LDB2: variants seen among roughly 807,000 people sequenced by gnomAD.
LDB2 encodes the protein LIM domain-binding protein 2.
Under a neutral mutation model 44.3 loss-of-function variants are expected in LDB2, and 12 were observed. That is an observed-to-expected ratio of 0.27 (90% confidence interval 0.17 to 0.44). The LOEUF is 0.44. LDB2 is among the 20% of genes least tolerant of loss of function. The pLI, the probability that LDB2 is intolerant of heterozygous loss-of-function variation, is 1.00. For missense variants in LDB2, 344 were observed against 473.5 expected, an observed-to-expected ratio of 0.73 and a Z score of 2.54; for synonymous variants, 164 against 174.8, an observed-to-expected ratio of 0.94 and a Z score of 0.49.
chr4:16,632,549 C>A (rs1732286670), intron 2 of LDB2, among the ~76,000 whole-genome samples: 1 of 152,166 alleles, frequency 6.6e-6, no homozygotes, highest in Non-Finnish European at 1.5e-5. Flanking sequence ...TCTCACCACT[C>A]CTATTCAGCA....
chr4:16,754,618 G>A lies in LDB2; in HGVS notation c.235+4540C>T, dbSNP rs556515204. On this transcript the variant is annotated intron_variant, in intron 2 of 7. Coordinates refer to ENST00000304523, the MANE Select transcript of LDB2 (RefSeq NM_001290.5). ...TCTTGGTTCACTGCAACCTCCATCC[G>A]CCTCCTGGGTTCAAGTAATTCTCCT... Among the ~76,000 whole-genome samples the A allele has an allele frequency of 6.6e-5, 10 of 150,828 alleles. No individual in the cohort carries two copies. The East Asian group carries it at 7.8e-4, about 12-fold the overall frequency.
At chr4:16,664,012 A>G (rs760969220) in intron 2 of LDB2, among the ~76,000 whole-genome samples, 2 of 148,878 alleles carry the variant, frequency 1.3e-5, no homozygotes, top group African/African-American at 2.5e-5. Flanking sequence ...GGGCAAAGCA[A>G]TGTTAAGTTT....
chr4:16,558,421 T>C (rs1280687740), intron 5 of LDB2, among the ~76,000 whole-genome samples: 1 of 152,102 alleles, frequency 6.6e-6, no homozygotes, highest in Non-Finnish European at 1.5e-5. Flanking sequence ...ATGCAAAAGC[T>C]TCAGGAGCCG....
chr4:16,862,294 G>A (rs898153244), intron 1 of LDB2, among the ~76,000 whole-genome samples: 2 of 150,770 alleles, frequency 1.3e-5, no homozygotes, highest in African/African-American at 2.4e-5. Flanking sequence ...AGAAGCCCAA[G>A]TTTGATACCA....
intron 5 of LDB2, among the ~76,000 whole-genome samples, chr4:16,536,597 A>G (rs1731951101): frequency 6.6e-6 from 1 of 152,222 alleles, no homozygotes; most frequent in South Asian, 2.1e-4. Context: ...AAATTGTACT[A>G]TGGAATGAGC....
intron 1 of LDB2, among the ~76,000 whole-genome samples, chr4:16,821,671 G>C (rs1782050322): frequency 7.0e-6 from 1 of 142,032 alleles, no homozygotes; most frequent in Non-Finnish European, 1.5e-5. Context: ...TTACAGGCGT[G>C]AGCCACCGCG....
At chr4:16,542,251 A>G (rs960731745) in intron 5 of LDB2, among the ~76,000 whole-genome samples, 3 of 152,216 alleles carry the variant, frequency 2.0e-5, no homozygotes, top group African/African-American at 7.2e-5. Context: ...TGAAGGCCCC[A>G]GCCCGCAAAG....
intron 1 of LDB2, among the ~76,000 whole-genome samples, chr4:16,830,973 C>T (rs1188013625): frequency 2.0e-5 from 3 of 152,064 alleles, no homozygotes; most frequent in Admixed American, 6.6e-5. Flanking sequence ...AAAGGATGTG[C>T]GGATCTCATG....
At chr4:16,746,672 G>A (rs2109064598) in intron 2 of LDB2, among the ~76,000 whole-genome samples, 1 of 152,098 alleles carries the variant, frequency 6.6e-6, no homozygotes, top group East Asian at 1.9e-4. Context: ...CTGTAGTCCT[G>A]GCTACTCAGG....
At chr4:16,871,278 C>G (rs1716510764) in intron 1 of LDB2, among the ~76,000 whole-genome samples, 1 of 152,066 alleles carries the variant, frequency 6.6e-6, no homozygotes, top group Non-Finnish European at 1.5e-5. Context: ...TTCAAATGAG[C>G]CATAGTGGGA....
At chr4:16,563,244 A>T (rs937383909) in intron 5 of LDB2, among the ~76,000 whole-genome samples, 1 of 151,134 alleles carries the variant, frequency 6.6e-6, no homozygotes, top group Non-Finnish European at 1.5e-5. Context: ...GACATTATTT[A>T]AAAAAAAGGA....
intron 5 of LDB2, among the ~76,000 whole-genome samples, chr4:16,577,157 T>C (rs570912067): frequency 6.6e-6 from 1 of 152,320 alleles, no homozygotes; most frequent in Non-Finnish European, 1.5e-5. Flanking sequence ...GTCTTTTCTT[T>C]AAGATATGGA....
chr4:16,743,880 C>T (rs887933804), intron 2 of LDB2, among the ~76,000 whole-genome samples: 11 of 152,126 alleles, frequency 7.2e-5, no homozygotes, highest in Admixed American at 3.3e-4. Flanking sequence ...TGTGTCATTT[C>T]GATTCACTAA....
chr4:16,725,600 G>A (rs1180394155), intron 2 of LDB2, among the ~76,000 whole-genome samples: 3 of 152,004 alleles, frequency 2.0e-5, no homozygotes, highest in Non-Finnish European at 4.4e-5. Context: ...ACTTAGAACC[G>A]ACCAGAGGAT....
At chr4:16,641,912 A>T (rs907636915) in intron 2 of LDB2, among the ~76,000 whole-genome samples, 2 of 152,208 alleles carry the variant, frequency 1.3e-5, no homozygotes, top group Admixed American at 1.3e-4. Flanking sequence ...TAACAAAGGA[A>T]AGAAAATAGT....
chr4:16,687,062 G>GA (rs144762051), intron 2 of LDB2, among the ~76,000 whole-genome samples: 1 of 150,666 alleles, frequency 6.6e-6, no homozygotes, highest in Non-Finnish European at 1.5e-5. Flanking sequence ...AATATGGGGT[G>GA]AAAAAAATAC....
chr4:16,609,513 G>C (rs1273497527), intron 2 of LDB2, among the ~76,000 whole-genome samples: 3 of 152,074 alleles, frequency 2.0e-5, no homozygotes, highest in African/African-American at 7.2e-5. Context: ...CTTTTCCCCT[G>C]CTGGAGCCAG....
At chr4:16,561,858 TA>T (rs1172890649) in intron 5 of LDB2, among the ~76,000 whole-genome samples, 5 of 152,280 alleles carry the variant, frequency 3.3e-5, no homozygotes, top group African/African-American at 1.2e-4. Flanking sequence ...ATGGTACTGG[TA>T]CCAAAACAGA....
chr4:16,515,864 A>ATT (rs1255872162), intron 5 of LDB2, among the ~76,000 whole-genome samples: 10 of 151,060 alleles, frequency 6.6e-5, no homozygotes, highest in African/African-American at 2.4e-4. Context: ...TTATTTATTT[A>ATT]TTTATTTATT....
Sources: allele counts gnomAD v4.1 joint callset (sites outside exome capture counted in the v4.1 genomes callset), GRCh38; gene constraint gnomAD v4.1.1; transcripts MANE v1.5; gene names NCBI Gene and HGNC (gene_info 2026-07-23, HGNC 2026-07-21).